Variants in SAP30 observed in about 807,000 individuals in gnomAD.
SAP30 encodes the protein Sin3A associated protein 30.
Under a neutral mutation model 19.6 loss-of-function variants are expected in SAP30, and 13 were observed. The observed-to-expected ratio is 0.66, with a 90% CI of 0.43 to 1.05. The LOEUF (loss-of-function observed/expected upper bound fraction) is 1.05, where lower values mean the gene tolerates loss of function less well. SAP30 is among the 50% of genes least tolerant of loss of function. SAP30 has a pLI of 0.00. For missense variants in SAP30, 257 were observed against 292.1 expected (o/e 0.88, Z 0.88); for synonymous variants, 108 against 122.7 (o/e 0.88, Z 0.79).
intron 3 of SAP30, 108 bp from the exon 4 acceptor site, chr4:173,377,097 C>T: frequency 4.5e-6 from 3 of 660,688 alleles, no homozygotes; most frequent in Non-Finnish European, 7.4e-6. Context: ...AAGGAAATAG[C>T]CCTTATCACA....
intron 1 of SAP30, 80 bp from the exon 2 acceptor site, chr4:173,373,308 TCA>T (rs1738980046): frequency 1.6e-6 from 2 of 1,270,906 alleles, no homozygotes; most frequent in Admixed American, 5.5e-5. Context: ...TTTTAAGAAC[TCA>T]CTGTGGCATA....
At position 173,371,987 on chromosome 4, in the gene SAP30, C is replaced by A. The variant is rs979534011; in HGVS notation, c.315+490C>A. Among the ~76,000 whole-genome samples, 4 of 152,230 alleles carry A rather than the reference C, an allele frequency of 2.6e-5. No individual in the cohort carries two copies. The highest frequency in any genetic ancestry group is 9.6e-5 in the African/African-American group (4 of 41,456). On this transcript the variant is annotated intron_variant, in intron 1 of 3. Coordinates refer to ENST00000296504, the MANE Select transcript of SAP30 (RefSeq NM_003864.4). The surrounding 1 kb of genome is among the most constrained non-coding windows in gnomAD (Gnocchi z 6.4). ...GGAAGATCCTGTTCTTTTCTGTGTTCCGTCTCCTCCGGAGCGGAGTGAGAG... is the reference window on the plus strand; with the variant it reads ...GGAAGATCCTGTTCTTTTCTGTGTTACGTCTCCTCCGGAGCGGAGTGAGAG...
In SAP30 at chr4:173,371,138, G is replaced by C; in HGVS notation, c.-45G>C. The C allele has an allele frequency of 2.8e-6, 4 of 1,436,670 alleles. No homozygotes were observed. The highest frequency in any genetic ancestry group is 3.7e-6 in the Non-Finnish European group (4 of 1,093,630). 89.0% of individuals were successfully genotyped at this position (1,436,670 alleles called of 1,614,324 possible). ...GAGCGGAGAGAGGCGGAGCGGCCAG[G>C]AGAGAGGGGATTTCTGTCAGCGCCG... On this transcript the variant is annotated 5_prime_UTR_variant, in exon 1 of 4. Coordinates refer to ENST00000296504, the MANE Select transcript of SAP30 (RefSeq NM_003864.4). This position sits in a 1 kb window ranked among gnomAD's most constrained non-coding sequence, Gnocchi z 6.4.
chr4:173,371,736 C>T lies in SAP30; in HGVS notation c.315+239C>T, dbSNP rs1738939857. 6.6e-6 allele frequency among the ~76,000 whole-genome samples: 1 copy of T among 152,146 alleles called. No individual in the cohort carries two copies. Among genetic ancestry groups the T allele is most frequent in the Non-Finnish European group, 1.5e-5 (1 of 68,026 alleles). On this transcript the variant is annotated intron_variant, in intron 1 of 3. Transcript: ENST00000296504. The surrounding 1 kb of genome is among the most constrained non-coding windows in gnomAD (Gnocchi z 6.4). Reference sequence around the variant, plus strand: ...TCTTTCCCACCCTGGCCCCCAACCTCCCGCTGCCTGCGTCTCTCCCGCGCA... The same window carrying T: ...TCTTTCCCACCCTGGCCCCCAACCTTCCGCTGCCTGCGTCTCTCCCGCGCA...
intron 3 of SAP30, among the ~76,000 whole-genome samples, chr4:173,375,759 C>T (rs1739024023): frequency 6.6e-6 from 1 of 152,134 alleles, no homozygotes; most frequent in African/African-American, 2.4e-5. Context: ...AGAGAGGGGT[C>T]CCCAACCCCA....
rs530392305 is a variant in SAP30 at position 173,371,625 on chromosome 4, CTG to C, written c.315+132_315+133del. 5.4e-5 allele frequency: 77 copies of C among 1,426,572 alleles called. No homozygotes were observed. The East Asian group carries it at 2.1e-3, about 40-fold the overall frequency. 88.4% of individuals were successfully genotyped at this position (1,426,572 alleles called of 1,614,324 possible). A position where few individuals can be genotyped will look rare whatever the true frequency, so the allele number is the denominator to read the frequency against. ...TGGCTGCAGTGCGGTCTCGTGGAGT[CTG>C]TGTTTGGAAGCAAATAACAAAGTCG... On this transcript the variant is annotated intron_variant, in intron 1 of 3. Transcript: ENST00000296504. The surrounding 1 kb of genome is among the most constrained non-coding windows in gnomAD (Gnocchi z 6.4).
In SAP30 at chr4:173,373,534, T is replaced by A. The variant is rs1435713008; in HGVS notation, c.441+19T>A. 2 of 1,589,702 alleles carry A rather than the reference T, an allele frequency of 1.3e-6. No individual in the cohort carries two copies. Among genetic ancestry groups the A allele is most frequent in the South Asian group, 1.2e-5 (1 of 86,764 alleles). ...CCCAGAGGTAGATGGAAGTTTTTTA[T>A]GCTTAATGTAAATCCTAAGTAGTGC... On this transcript the variant is annotated intron_variant, in intron 2 of 3. Coordinates refer to ENST00000296504, the MANE Select transcript of SAP30 (RefSeq NM_003864.4).
In SAP30 at chr4:173,371,066, G is replaced by C; in HGVS notation, c.-117G>C. On this transcript the variant is annotated 5_prime_UTR_variant, in exon 1 of 4. Transcript: ENST00000296504. The surrounding 1 kb of genome is among the most constrained non-coding windows in gnomAD (Gnocchi z 6.4). Reference sequence around the variant, plus strand: ...GCAGGCCCGGGACAGTTGGTGTTTGGCCGTGCCGCTGTCTAACTTGGTGTG... The same window carrying C: ...GCAGGCCCGGGACAGTTGGTGTTTGCCCGTGCCGCTGTCTAACTTGGTGTG... 2 of 1,211,208 alleles carry C rather than the reference G, an allele frequency of 1.7e-6. No individual in the cohort carries two copies. Among genetic ancestry groups the C allele is most frequent in the Non-Finnish European group, 2.1e-6 (2 of 931,084 alleles). The allele number at this position is 1,211,208 out of a possible 1,614,324, so 75.0% of individuals were successfully genotyped here.
chr4:173,371,771 C>G lies in SAP30; in HGVS notation c.315+274C>G, dbSNP rs1040728366. ...GCGTCTCTCCCGCGCAGTCTTCCCT[C>G]TTCCTTCTCCTCTGCGACCGGGACA... On this transcript the variant is annotated intron_variant, in intron 1 of 3. Coordinates refer to ENST00000296504, the MANE Select transcript of SAP30 (RefSeq NM_003864.4). This position sits in a 1 kb window ranked among gnomAD's most constrained non-coding sequence, Gnocchi z 6.4. Among the ~76,000 whole-genome samples the G allele has an allele frequency of 6.6e-6, 1 of 152,180 alleles. No individual in the cohort carries two copies. The highest frequency in any genetic ancestry group is 2.1e-4 in the South Asian group (1 of 4,820).
intron 1 of SAP30, 147 bp from the exon 2 acceptor site, chr4:173,373,243 T>A: frequency 1.6e-6 from 1 of 619,260 alleles, no homozygotes; most frequent in Non-Finnish European, 2.6e-6. Flanking sequence ...CGTATAGGAT[T>A]TAAACGTATA....
In SAP30 at chr4:173,371,238, T is replaced by G; in HGVS notation, c.56T>G (p.Val19Gly). 9.6e-6 allele frequency: 13 copies of G among 1,356,856 alleles called. No individual in the cohort carries two copies. The highest frequency in any genetic ancestry group is 3.2e-5 in the Admixed American group (1 of 30,900). 84.1% of individuals were successfully genotyped at this position (1,356,856 alleles called of 1,614,324 possible). The change falls in exon 1 of 4, where the codon GTG becomes GGG. Residue 19 changes from valine to glycine, a missense_variant. Coordinates refer to ENST00000296504, the MANE Select transcript of SAP30 (RefSeq NM_003864.4). The surrounding 1 kb of genome is among the most constrained non-coding windows in gnomAD (Gnocchi z 6.4). ...MSRGGDAAAA[V>G]AAVVAAAAAA... The stretch of plus-strand genomic sequence containing the variant: ...CGCGGCGGGGATGCGGCCGCCGCAG[T>G]GGCCGCAGTGGTCGCTGCCGCGGCC...
In SAP30 at chr4:173,371,169, G is replaced by A. The variant is rs775285058; in HGVS notation, c.-14G>A. 1.5e-5 allele frequency: 22 copies of A among 1,489,018 alleles called. No homozygotes were observed. In the African/African-American group the frequency reaches 1.9e-4, roughly 13 times the overall value. The allele number at this position is 1,489,018 out of a possible 1,614,324, so 92.2% of individuals were successfully genotyped here. The stretch of plus-strand genomic sequence containing the variant: ...GGGGATTTCTGTCAGCGCCGGCCTC[G>A]GGAGCTCGGAGACATGAACGGCTTC... On this transcript the variant is annotated 5_prime_UTR_variant, in exon 1 of 4. Transcript: ENST00000296504. The surrounding 1 kb of genome is among the most constrained non-coding windows in gnomAD (Gnocchi z 6.4).
chr4:173,372,343 C>A (rs1029339409), intron 1 of SAP30, among the ~76,000 whole-genome samples: 1 of 152,202 alleles, frequency 6.6e-6, no homozygotes, highest in African/African-American at 2.4e-5. Context: ...GTGTTTGTTT[C>A]AAATGCTAGT....
Position 173,374,362 on chromosome 4 carries a change from A to G in SAP30, c.540+325A>G, listed in dbSNP as rs191687965. On this transcript the variant is annotated intron_variant, in intron 3 of 3. Transcript: ENST00000296504. ...ATGATCTTGGCTCATTGAAACCTCTACCTACCAGGTTCAAGCAATTCTCCA... is the reference window on the plus strand; with the variant it reads ...ATGATCTTGGCTCATTGAAACCTCTGCCTACCAGGTTCAAGCAATTCTCCA... Among the ~76,000 whole-genome samples the G allele has an allele frequency of 3.2e-3, 481 of 152,246 alleles. 2 individuals carry two copies. Among genetic ancestry groups the G allele is most frequent in the African/African-American group, 0.011 (454 of 41,540 alleles).
rs1289691693 is a variant in SAP30, at chr4:173,373,949, A to G, written c.452A>G (p.Tyr151Cys). 3.5e-5 allele frequency: 54 copies of G among 1,554,718 alleles called. No individual in the cohort carries two copies. The highest frequency in any genetic ancestry group is 4.7e-5 in the Non-Finnish European group (54 of 1,143,360). Reference protein sequence around the residue: ...QDIDTPEVDLYQLQVNTLRRY... With the variant: ...QDIDTPEVDLCQLQVNTLRRY... Reference sequence around the variant, plus strand: ...GTTAATTTTTTCTAGGTTGATTTATACCAATTACAAGTAAATACACTTAGG... The same window carrying G: ...GTTAATTTTTTCTAGGTTGATTTATGCCAATTACAAGTAAATACACTTAGG... The change falls in exon 3 of 4, where the codon TAC (tyrosine) becomes TGC (cysteine). Residue 151 changes from tyrosine to cysteine, a missense_variant. Coordinates refer to ENST00000296504, the MANE Select transcript of SAP30 (RefSeq NM_003864.4).
intron 3 of SAP30, among the ~76,000 whole-genome samples, chr4:173,376,279 G>T (rs1334648534): frequency 6.6e-6 from 1 of 152,198 alleles, no homozygotes; most frequent in Non-Finnish European, 1.5e-5. Flanking sequence ...AAGCAAGGAA[G>T]CAGGTAAACA....
chr4:173,373,463 G>A lies in SAP30; in HGVS notation c.389G>A (p.Gly130Glu). ...QSVRNRRKRKGSDDDGGDSPV... is the reference protein window; with the variant it reads ...QSVRNRRKRKESDDDGGDSPV... ...GTTCGAAACAGAAGAAAGAGAAAAG[G>A]GAGTGATGATGATGGAGGTGATTCA... The change falls in exon 2 of 4, where the codon GGG becomes GAG. Residue 130 changes from glycine (G) to glutamate (E), a missense_variant. Transcript: ENST00000296504. 6.2e-7 allele frequency: 1 copy of A among 1,612,924 alleles called. No individual in the cohort carries two copies. Among genetic ancestry groups the A allele is most frequent in the Non-Finnish European group, 8.5e-7 (1 of 1,179,410 alleles).
intron 3 of SAP30, among the ~76,000 whole-genome samples, chr4:173,374,711 C>T (rs577350507): frequency 1.3e-5 from 2 of 152,174 alleles, no homozygotes; most frequent in South Asian, 4.1e-4. Context: ...GCTTTAATGT[C>T]CTTATTAGAA....
At chr4:173,372,751 C>T (rs1032585105) in intron 1 of SAP30, among the ~76,000 whole-genome samples, 5 of 149,622 alleles carry the variant, frequency 3.3e-5, no homozygotes, top group African/African-American at 1.2e-4. Flanking sequence ...AAAAATTCAA[C>T]ATGAACTAAT....
Sources: allele counts gnomAD v4.1 joint callset (sites outside exome capture counted in the v4.1 genomes callset), GRCh38; gene constraint gnomAD v4.1.1; non-coding constraint Gnocchi (gnomAD v3.1); transcripts MANE v1.5; gene names NCBI Gene and HGNC (gene_info 2026-07-23, HGNC 2026-07-21).